Variants in TRABD2A observed in about 807,000 individuals in gnomAD.
TRABD2A encodes the protein TraB domain containing 2A.
In TRABD2A, 43 loss-of-function variants were observed where a neutral mutation model predicts 45.6. That is an observed-to-expected ratio of 0.94 (90% CI 0.74 to 1.22). TRABD2A has a LOEUF of 1.22. Among genes scored for constraint, TRABD2A ranks in the 50% most tolerant of loss-of-function variants. The probability of loss-of-function intolerance (pLI) is 0.00; values close to 1 mark genes in which losing one functional copy is unlikely to be tolerated. For synonymous variants in TRABD2A, 269 were observed against 265.0 expected, an observed-to-expected ratio of 1.02 and a Z score of -0.15; for missense variants, 642 against 652.4, an observed-to-expected ratio of 0.98 and a Z score of 0.17.
At chr2:84,871,314 G>C (rs892427118) in intron 1 of TRABD2A, among the ~76,000 whole-genome samples, 4 of 152,110 alleles carry the variant, frequency 2.6e-5, no homozygotes, top group African/African-American at 9.7e-5. Context: ...CTCCCAGGCA[G>C]ACCTGATGAT....
At chr2:84,829,613 CCACAA>C (rs768558112) in intron 5 of TRABD2A, among the ~76,000 whole-genome samples, 2 of 137,564 alleles carry the variant, frequency 1.5e-5, no homozygotes, top group South Asian at 4.5e-4. Context: ...ACCACACACA[CCACAA>C]CACAACGCAA....
chr2:84,823,999 G>A lies in TRABD2A; in HGVS notation c.1288C>T (p.Pro430Ser). 1 of 1,613,832 alleles carries A rather than the reference G, an allele frequency of 6.2e-7. No homozygotes were observed. Among genetic ancestry groups the A allele is most frequent in the East Asian group, 2.2e-5 (1 of 44,876 alleles). ...RKKRRRSQRR[P>S]RLRQFSDLWV... ...AGATCGCTGAATTGCCGGAGTCGCG[G>A]CCTCCGCTGTGACCGCCTCCGCTTC... Residue 430 changes from proline (P) to serine (S), a missense_variant, in exon 6 of 7, where the codon CCG becomes TCG. Coordinates refer to ENST00000409520, the MANE Select transcript of TRABD2A (RefSeq NM_001277053.2).
chr2:84,844,646 T>C (rs1001121281), intron 2 of TRABD2A, among the ~76,000 whole-genome samples: 2 of 152,218 alleles, frequency 1.3e-5, no homozygotes, highest in Non-Finnish European at 2.9e-5. Flanking sequence ...AATTAGGGCC[T>C]ACCCACAACA....
chr2:84,847,566 T>C (rs2162566), intron 2 of TRABD2A, among the ~76,000 whole-genome samples: 46,567 of 152,014 alleles, frequency 0.31, 7,695 homozygotes, highest in African/African-American at 0.41. Context: ...CCATGAGCAG[T>C]ATGCTCAGCC....
intron 5 of TRABD2A, among the ~76,000 whole-genome samples, chr2:84,831,194 GA>G (rs11358870): frequency 0.22 from 33,246 of 149,804 alleles, 3,785 homozygotes; most frequent in African/African-American, 0.3. Flanking sequence ...CTCGCTTACA[GA>G]AAAAAAAAAT....
chr2:84,865,223 T>TG (rs1228412371), intron 2 of TRABD2A, among the ~76,000 whole-genome samples: 1 of 147,038 alleles, frequency 6.8e-6, no homozygotes, highest in Non-Finnish European at 1.5e-5. Context: ...TGTTGCATTG[T>TG]GGGGAAAAAA....
At chr2:84,846,382 G>C (rs1180109784) in intron 2 of TRABD2A, among the ~76,000 whole-genome samples, 2 of 152,146 alleles carry the variant, frequency 1.3e-5, no homozygotes, top group Non-Finnish European at 2.9e-5. Flanking sequence ...ACTTATGAAA[G>C]GCCTTAAGCT....
intron 2 of TRABD2A, chr2:84,850,773 A>G (rs1295189073): frequency 2.6e-5 from 4 of 152,230 alleles, no homozygotes. Flanking sequence ...GAGCAACATT[A>G]TCCTGATTAG....
chr2:84,831,782 C>T (rs1460260566), intron 5 of TRABD2A, among the ~76,000 whole-genome samples: 1 of 152,156 alleles, frequency 6.6e-6, no homozygotes, highest in East Asian at 1.9e-4. Context: ...GCAACCTTCC[C>T]TTCACCTTCC....
intron 4 of TRABD2A, chr2:84,834,825 A>G (rs547565947): frequency 3.9e-5 from 6 of 152,286 alleles, no homozygotes; most frequent in African/African-American, 1.2e-4. Flanking sequence ...CTTTTTGGCT[A>G]TTATAAATAA....
intron 2 of TRABD2A, among the ~76,000 whole-genome samples, chr2:84,846,691 C>A (rs2105386377): frequency 6.6e-6 from 1 of 152,348 alleles, no homozygotes; most frequent in African/African-American, 2.4e-5. Context: ...CCCTCCTTCG[C>A]TGGCTTAGCT....
At chr2:84,825,477 C>T (rs1681120380) in intron 5 of TRABD2A, among the ~76,000 whole-genome samples, 1 of 152,180 alleles carries the variant, frequency 6.6e-6, no homozygotes, top group Non-Finnish European at 1.5e-5. Flanking sequence ...CTAAGGACCC[C>T]AGAAACATAA....
intron 1 of TRABD2A, among the ~76,000 whole-genome samples, chr2:84,876,569 T>C (rs1683033283): frequency 1.3e-5 from 2 of 152,260 alleles, no homozygotes; most frequent in South Asian, 4.1e-4. Flanking sequence ...AAGAACAGTT[T>C]TAGTGGTGTG....
chr2:84,837,941 T>G (rs1681578236), intron 4 of TRABD2A: 2 of 358,374 alleles, frequency 5.6e-6, no homozygotes, highest in Non-Finnish European at 1.0e-5. Context: ...CCTTGTAAGC[T>G]TCAATTAATA....
In TRABD2A at chr2:84,839,249, G is replaced by A; in HGVS notation, c.891C>T (p.Arg297=). 6.2e-7 allele frequency: 1 copy of A among 1,613,846 alleles called. No individual in the cohort carries two copies. The highest frequency in any genetic ancestry group is 8.5e-7 in the Non-Finnish European group (1 of 1,179,868). ...CATTCCGCTTGTAGATCAGCTCCCG[G>A]CGTAAGTAGCTGTCAATCTCCTGAG... ...ITAQEIDSYL[R]RELIYKRNER... Residue 297 remains arginine, a synonymous_variant, in exon 4 of 7, where the codon CGC becomes CGT. Transcript: ENST00000409520.
At position 84,821,777 on chromosome 2, in the gene TRABD2A, G is replaced by T; in HGVS notation, c.*140C>A. On this transcript the variant is annotated 3_prime_UTR_variant, in exon 7 of 7. Transcript: ENST00000409520. ...CCCAAAGTCACATTCCTTGGAAAGAGAAGAATCAACACTGGGCCGCTTTTT... is the reference window on the plus strand; with the variant it reads ...CCCAAAGTCACATTCCTTGGAAAGATAAGAATCAACACTGGGCCGCTTTTT... The T allele has an allele frequency of 1.2e-6, 1 of 867,580 alleles. No homozygotes were observed. Among genetic ancestry groups the T allele is most frequent in the Non-Finnish European group, 1.6e-6 (1 of 625,634 alleles). The allele number at this position is 867,580 out of a possible 1,614,324, so 53.7% of individuals were successfully genotyped here. A position where few individuals can be genotyped will look rare whatever the true frequency, so the allele number is the denominator to read the frequency against.
intron 2 of TRABD2A, among the ~76,000 whole-genome samples, chr2:84,869,092 A>G (rs1387283200): frequency 2.0e-5 from 3 of 152,218 alleles, no homozygotes; most frequent in Admixed American, 6.5e-5. Flanking sequence ...TAAATTCCCT[A>G]AAGATATCAT....
chr2:84,840,976 A>T (rs1299262417), intron 3 of TRABD2A, among the ~76,000 whole-genome samples: 4 of 152,076 alleles, frequency 2.6e-5, no homozygotes, highest in African/African-American at 9.7e-5. Flanking sequence ...TCATGTTCAC[A>T]CATGTCTCCT....
At position 84,870,605 on chromosome 2, in the gene TRABD2A, A is replaced by G. The variant is rs372045788; in HGVS notation, c.289T>C (p.Ser97Pro). 1 of 1,613,408 alleles carries G rather than the reference A, an allele frequency of 6.2e-7. No individual in the cohort carries two copies. The highest frequency in any genetic ancestry group is 1.1e-5 in the South Asian group (1 of 90,964). The change falls in exon 2 of 7, where the codon TCA becomes CCA. Residue 97 changes from serine (S) to proline (P), a missense_variant. By Grantham distance (74) the Ser-to-Pro change is moderately conservative. Coordinates refer to ENST00000409520, the MANE Select transcript of TRABD2A (RefSeq NM_001277053.2). Reference protein sequence around the residue: ...ELDLTDPYTISALTSCQMLPQ... With the variant: ...ELDLTDPYTIPALTSCQMLPQ... ...AGCATCTGACAGCTGGTGAGAGCTG[A>G]GATGGTATAGGGGTCTGTGAGATCC...
Sources: gnomAD v4.1 joint callset for allele counts (sites outside exome capture counted in the v4.1 genomes callset) on GRCh38, gnomAD v4.1.1 for gene constraint, MANE v1.5 for transcripts, NCBI Gene and HGNC (gene_info 2026-07-23, HGNC 2026-07-21) for gene names.